Variants in PRKDC observed in about 807,000 individuals in gnomAD.
The protein encoded by PRKDC is protein kinase, DNA-activated, catalytic subunit.
In PRKDC, 82 loss-of-function variants were observed where a neutral mutation model predicts 486.9. The ratio of observed to expected loss-of-function variants is 0.17; its 90% CI spans 0.14 to 0.20. The LOEUF (loss-of-function observed/expected upper bound fraction) is 0.20. Among genes scored for constraint, PRKDC ranks in the 10% least tolerant of loss-of-function variants. The probability of loss-of-function intolerance (pLI) is 1.00; values close to 1 mark genes in which losing one functional copy is unlikely to be tolerated. For synonymous variants in PRKDC, 1,895 were observed against 1,837.0 expected, an observed-to-expected ratio of 1.03 and a Z score of -0.81; for missense variants, 4,504 against 5,038.2, an observed-to-expected ratio of 0.89 and a Z score of 3.21.
chr8:47,849,208 G>A lies in PRKDC; in HGVS notation c.7226C>T (p.Thr2409Ile). The change falls in exon 54 of 86, where the codon ACA becomes ATA. Residue 2409 changes from threonine (T) to isoleucine (I), a missense_variant. By Grantham distance (89) the Thr-to-Ile change is moderately conservative. This residue lies in a region of PRKDC where 1,592 missense variants were observed against 1,724.6 expected (regional missense o/e 0.92). Transcript: ENST00000314191. ...GCTCTTTAACTGGAAGTACAGCTCT[G>A]TCATTCCCTCCACACGACAAAGTAC... ...EVVLCRVEGM[T>I]ELYFQLKSKD... 6.2e-7 allele frequency: 1 copy of A among 1,614,018 alleles called. No individual in the cohort carries two copies. The highest frequency in any genetic ancestry group is 8.5e-7 in the Non-Finnish European group (1 of 1,179,896).
At chr8:47,924,662 G>A (rs570142565) in intron 21 of PRKDC, among the ~76,000 whole-genome samples, 1 of 152,160 alleles carries the variant, frequency 6.6e-6, no homozygotes, top group South Asian at 2.1e-4. Flanking sequence ...ACTCCTAGAG[G>A]TCCCTTCAGT....
chr8:47,869,225 A>G (rs938083275), intron 40 of PRKDC, among the ~76,000 whole-genome samples: 2 of 151,880 alleles, frequency 1.3e-5, no homozygotes, highest in African/African-American at 4.8e-5. Flanking sequence ...TGCCTCCCCA[A>G]ACCCAAGTAG....
chr8:47,826,666 C>G lies in PRKDC; in HGVS notation c.8773G>C (p.Glu2925Gln). ...TGACCTCACACTTACTTAGCAAGCT[C>G]CACCCATCTGAGGACATCAGGAGGG... ...RLPPDVLRWV[E>Q]LAKLYRSIGE... Residue 2925 changes from glutamate (E) to glutamine (Q), a missense_variant, in exon 63 of 86, where the codon GAG becomes CAG. By Grantham distance (29) the Glu-to-Gln change is conservative. Coordinates refer to ENST00000314191, the MANE Select transcript of PRKDC (RefSeq NM_006904.7). The G allele has an allele frequency of 1.9e-6, 3 of 1,609,776 alleles. No homozygotes were observed. The highest frequency in any genetic ancestry group is 2.5e-6 in the Non-Finnish European group (3 of 1,177,554).
intron 68 of PRKDC, among the ~76,000 whole-genome samples, chr8:47,809,798 T>G (rs1383348197): frequency 6.6e-6 from 1 of 152,160 alleles, no homozygotes; most frequent in African/African-American, 2.4e-5. Context: ...GCAGACTGTA[T>G]GTATGCGCAG....
intron 45 of PRKDC, among the ~76,000 whole-genome samples, chr8:47,860,557 A>C (rs180889723): frequency 1.6e-4 from 25 of 152,326 alleles, no homozygotes; most frequent in African/African-American, 5.1e-4. Context: ...TCTAATGTAG[A>C]CTTCTGAATG....
intron 65 of PRKDC, 90 bp downstream of exon 65, chr8:47,821,514 C>T: frequency 7.8e-7 from 1 of 1,279,022 alleles, no homozygotes; most frequent in Non-Finnish European, 1.1e-6. Flanking sequence ...ACAAGTACTA[C>T]CTGTTTTTGA....
At position 47,889,198 on chromosome 8, in the gene PRKDC, T is replaced by A. The variant is rs2089402451; in HGVS notation, c.4096A>T (p.Thr1366Ser). 1.9e-6 allele frequency: 3 copies of A among 1,611,214 alleles called. No homozygotes were observed. Among genetic ancestry groups the A allele is most frequent in the Non-Finnish European group, 2.5e-6 (3 of 1,178,690 alleles). Reference sequence around the variant, plus strand: ...TGCACCAGGACTCTCATCAGGTGTGTATTACACAAGTCCTTCTTCAGGAGC... The same window carrying A: ...TGCACCAGGACTCTCATCAGGTGTGAATTACACAAGTCCTTCTTCAGGAGC... ...WKLLKKDLCNTHLMRVLVQTL... is the reference protein window; with the variant it reads ...WKLLKKDLCNSHLMRVLVQTL... The change falls in exon 33 of 86, where the codon ACA becomes TCA. Residue 1366 changes from threonine to serine, a missense_variant. By Grantham distance (58) the Thr-to-Ser change is moderately conservative. Coordinates refer to ENST00000314191, the MANE Select transcript of PRKDC (RefSeq NM_006904.7).
intron 72 of PRKDC, among the ~76,000 whole-genome samples, chr8:47,798,642 G>C (rs554380143): frequency 1.3e-5 from 2 of 152,216 alleles, no homozygotes; most frequent in Admixed American, 6.5e-5. Context: ...GGAACATAAG[G>C]GGCAACTGGT....
chr8:47,779,276 C>T (rs1424544373), intron 80 of PRKDC, 183 bp from the exon 81 acceptor site: 4 of 512,808 alleles, frequency 7.8e-6, no homozygotes, highest in African/African-American at 3.9e-5. Context: ...TTTCAATATA[C>T]CATTATTCAT....
At chr8:47,852,255 C>T (rs2088425027) in intron 52 of PRKDC, among the ~76,000 whole-genome samples, 1 of 152,256 alleles carries the variant, frequency 6.6e-6, no homozygotes, top group East Asian at 1.9e-4. Flanking sequence ...CTGAGAGGGT[C>T]GCCTGGGAGA....
chr8:47,845,552 T>C (rs2088245045), intron 54 of PRKDC, among the ~76,000 whole-genome samples: 1 of 151,892 alleles, frequency 6.6e-6, no homozygotes, highest in African/African-American at 2.4e-5. Flanking sequence ...AGGAAATAGA[T>C]ACATTCCTGG....
chr8:47,827,744 G>A (rs1015259478), intron 62 of PRKDC, among the ~76,000 whole-genome samples: 2 of 152,192 alleles, frequency 1.3e-5, no homozygotes, highest in Admixed American at 6.5e-5. Flanking sequence ...ATGTAAGGTC[G>A]GGAGGAAAGG....
intron 21 of PRKDC, among the ~76,000 whole-genome samples, chr8:47,919,619 T>A (rs1226563117): frequency 6.6e-6 from 1 of 152,144 alleles, no homozygotes; most frequent in African/African-American, 2.4e-5. Flanking sequence ...GGCAGTGGGA[T>A]CTTAGCTCTG....
chr8:47,951,926 T>A (rs1372642123), intron 7 of PRKDC, among the ~76,000 whole-genome samples: 2 of 152,104 alleles, frequency 1.3e-5, no homozygotes, highest in Non-Finnish European at 2.9e-5. Flanking sequence ...TTCGCAACCA[T>A]TAGGCATTAG....
chr8:47,894,031 A>G (rs1276363102), intron 30 of PRKDC, among the ~76,000 whole-genome samples: 1 of 152,158 alleles, frequency 6.6e-6, no homozygotes, highest in African/African-American at 2.4e-5. Flanking sequence ...CTGTAATCCC[A>G]GCACTTTGGG....
chr8:47,923,937 G>A (rs1197226115), intron 21 of PRKDC, among the ~76,000 whole-genome samples: 1 of 152,128 alleles, frequency 6.6e-6, no homozygotes, highest in East Asian at 1.9e-4. Flanking sequence ...TAATCAATGG[G>A]TGCTAATTTA....
intron 73 of PRKDC, among the ~76,000 whole-genome samples, chr8:47,794,827 G>A (rs989700898): frequency 1.3e-5 from 2 of 152,138 alleles, no homozygotes; most frequent in African/African-American, 4.8e-5. Context: ...GCTCTATAAT[G>A]AATATTTCAA....
chr8:47,794,454 C>A lies in PRKDC; in HGVS notation c.10506G>T (p.Met3502Ile). 6.2e-7 allele frequency: 1 copy of A among 1,613,720 alleles called. No individual in the cohort carries two copies. The highest frequency in any genetic ancestry group is 8.5e-7 in the Non-Finnish European group (1 of 1,179,644). The change falls in exon 74 of 86, where the codon ATG (methionine) becomes ATT (isoleucine). Residue 3502 changes from methionine to isoleucine, a missense_variant. Physicochemically the swap from Met to Ile is conservative, Grantham distance 10. This residue lies in a region of PRKDC where 706 missense variants were observed against 945.0 expected (regional missense o/e 0.75). Transcript: ENST00000314191. ...CWQFISWISH[M>I]VALLDKDQAV... The stretch of plus-strand genomic sequence containing the variant: ...CTTGGTCTTTGTCCAGTAAGGCCAC[C>A]ATGTGGCTGATCCAGCTGATGAACT...
intron 21 of PRKDC, among the ~76,000 whole-genome samples, chr8:47,919,046 T>C (rs1026457723): frequency 1.5e-4 from 23 of 152,122 alleles, no homozygotes; most frequent in Non-Finnish European, 2.9e-4. Context: ...AGTGACCGAC[T>C]CAACACCCCA....
Sources: allele counts gnomAD v4.1 joint callset (sites outside exome capture counted in the v4.1 genomes callset), GRCh38; gene constraint gnomAD v4.1.1; regional missense constraint gnomAD v4.1.1; transcripts MANE v1.5; gene names NCBI Gene and HGNC (gene_info 2026-07-23, HGNC 2026-07-21).